The following MXRA5 variants were observed in gnomAD, a reference collection of about 807,000 sequenced individuals.
MXRA5 encodes the protein matrix remodeling associated 5.
A neutral mutation model predicts 112.5 loss-of-function variants in MXRA5; 41 were observed. The ratio of observed to expected loss-of-function variants is 0.36; its 90% CI spans 0.28 to 0.47. MXRA5 has a LOEUF of 0.47. Ranked by LOEUF, MXRA5 falls within the 20% of genes least tolerant of loss-of-function variation. MXRA5 has a pLI of 0.99. For synonymous variants in MXRA5, 862 were observed against 900.8 expected (o/e 0.96, Z 0.77); for missense variants, 2,150 against 2,251.0 (o/e 0.96, Z 0.91).
chrX:3,346,589 G>A lies in MXRA5; in HGVS notation c.-103C>T. ...ACCGAGCCGGGGCGCGCGAGTCACG[G>A]CCGGGAGTTTGCCGGGGCCATGCCC... On this transcript the variant is annotated 5_prime_UTR_variant, in exon 1 of 7. Transcript: ENST00000217939. The A allele has an allele frequency of 1.3e-6, 1 of 753,610 alleles. No homozygotes were observed. The highest frequency in any genetic ancestry group is 1.6e-6 in the Non-Finnish European group (1 of 638,286). 62.1% of individuals were successfully genotyped at this position (753,610 alleles called of 1,213,427 possible).
In MXRA5 at chrX:3,324,537, T is replaced by C. The variant is rs756542897; in HGVS notation, c.1148A>G (p.Tyr383Cys). The C allele has an allele frequency of 8.3e-7, 1 of 1,211,546 alleles. No homozygotes were observed. Among genetic ancestry groups the C allele is most frequent in the Non-Finnish European group, 1.1e-6 (1 of 895,428 alleles). The change falls in exon 5 of 7, where the codon TAC becomes TGC. Residue 383 changes from tyrosine to cysteine, a missense_variant. Coordinates refer to ENST00000217939, the MANE Select transcript of MXRA5 (RefSeq NM_015419.4). ...NYEKLWKLIA[Y>C]YSEVPVKLHR... is the part of the protein sequence containing the mutation. ...TAGCTTCACGGGAACTTCACTGTAG[T>C]ATGCTATCAATTTCCATAGCTTTTC...
chrX:3,310,713 A>T lies in MXRA5; in HGVS notation c.7490T>A (p.Val2497Asp), dbSNP rs1686872855. The T allele has an allele frequency of 1.0e-5, 12 of 1,197,299 alleles. No individual in the cohort carries two copies. The highest frequency in any genetic ancestry group is 1.2e-5 in the Non-Finnish European group (11 of 889,383). ...PAPYYGNRITVHGNGSLDIRS... is the reference protein window; with the variant it reads ...PAPYYGNRITDHGNGSLDIRS... ...GATGTCCAGGGAACCGTTGCCATGG[A>T]CAGTGATCCGGTTTCCATAGTATGG... Residue 2497 changes from valine (V) to aspartate (D), a missense_variant, in exon 7 of 7, where the codon GTC (valine) becomes GAC (aspartate). Coordinates refer to ENST00000217939, the MANE Select transcript of MXRA5 (RefSeq NM_015419.4).
rs1354961813 is a variant in MXRA5, at chrX:3,311,038, G to A, written c.7165C>T (p.Pro2389Ser). The change falls in exon 7 of 7, where the codon CCC becomes TCC. Residue 2389 changes from proline to serine, a missense_variant. Physicochemically the swap from Pro to Ser is moderately conservative, Grantham distance 74. Around this residue, in one of 6 missense-constraint regions of MXRA5, gnomAD observed 1,485 missense variants for 1,471.6 expected, o/e 1.01. Coordinates refer to ENST00000217939, the MANE Select transcript of MXRA5 (RefSeq NM_015419.4). ...ATCTGATACTTCTCAGAGGAGGTGG[G>A]GATCACCTTGTTGGTTGGGGACAAC... is the stretch of plus-strand genomic sequence containing the variant. ...TWLSPTNKVIPTSSEKYQIYQ... is the reference protein window; with the variant it reads ...TWLSPTNKVISTSSEKYQIYQ... 1 of 1,211,412 alleles carries A rather than the reference G, an allele frequency of 8.3e-7. No individual in the cohort carries two copies.
Position 3,317,945 on chromosome X carries a change from G to C in MXRA5, c.5736C>G (p.Thr1912=). The part of the protein sequence containing the change: ...IQRFEVLKNG[T]LVIRKVQVQD... ...GTACTTGAACCTTCCGTATCACTAA[G>C]GTACCGTTCTTGAGAACCTCAAACC... is the stretch of plus-strand genomic sequence containing the variant. The change falls in exon 6 of 7, where the codon ACC becomes ACG. Residue 1912 remains threonine (T), a synonymous_variant. Coordinates refer to ENST00000217939, the MANE Select transcript of MXRA5 (RefSeq NM_015419.4). 3 of 1,210,325 alleles carry C rather than the reference G, an allele frequency of 2.5e-6. No homozygotes were observed. The South Asian group carries it at 5.3e-5, about 21-fold the overall frequency.
rs1920962903 is a variant in MXRA5, at chrX:3,308,993, C to G, written c.*723G>C. The G allele has an allele frequency of 9.0e-6, 1 of 111,411 alleles. No individual in the cohort carries two copies. The allele number at this position is 111,411 out of a possible 1,213,427, so 9.2% of individuals were successfully genotyped here. A position where few individuals can be genotyped will look rare whatever the true frequency, so the allele number is the denominator to read the frequency against. ...CATGTCTGCTGTAATGTATCCAAGT[C>G]TTGTAAAGACCAATAATTTATTAAT... is the stretch of plus-strand genomic sequence containing the variant. On this transcript the variant is annotated 3_prime_UTR_variant, in exon 7 of 7. Coordinates refer to ENST00000217939, the MANE Select transcript of MXRA5 (RefSeq NM_015419.4).
At chrX:3,344,157 CGAGAGAGAGA>C (rs377198782) in intron 1 of MXRA5, among the ~76,000 whole-genome samples, 12 of 96,294 alleles carry the variant, frequency 1.2e-4, no homozygotes, top group Non-Finnish European at 1.9e-4. Flanking sequence ...CAGAGAGAGA[CGAGAGAGAGA>C]GAGAGAGAGA....
chrX:3,324,847 T>C lies in MXRA5; in HGVS notation c.838A>G (p.Ile280Val), dbSNP rs1921417550. 8.3e-7 allele frequency: 1 copy of C among 1,212,032 alleles called. No individual in the cohort carries two copies. Among genetic ancestry groups the C allele is most frequent in the South Asian group, 1.8e-5 (1 of 56,984 alleles). ...LKDMTCLKPS[I>V]ESPLRQNRSR... Reference sequence around the variant, plus strand: ...CTGTTCTGTCTCAGAGGGGACTCTATTGAAGGCTTCAGACAAGTCATGTCC... The same window carrying C: ...CTGTTCTGTCTCAGAGGGGACTCTACTGAAGGCTTCAGACAAGTCATGTCC... The change falls in exon 5 of 7, where the codon ATA (isoleucine) becomes GTA (valine). Residue 280 changes from isoleucine to valine, a missense_variant. This residue lies in a region of MXRA5 where 386 missense variants were observed against 411.0 expected (regional missense o/e 0.94). Transcript: ENST00000217939.
intron 1 of MXRA5, among the ~76,000 whole-genome samples, chrX:3,344,843 G>T (rs1305006114): frequency 9.0e-6 from 1 of 111,391 alleles, no homozygotes; most frequent in Non-Finnish European, 1.9e-5. Context: ...GCCGGACTCG[G>T]TGGCTCACGT....
rs183479403 is a variant in MXRA5, at chrX:3,319,873, T to C, written c.5677+135A>G. On this transcript the variant is annotated intron_variant, in intron 5 of 6. Transcript: ENST00000217939. Reference sequence around the variant, plus strand: ...TAAACACTTATTCGAGTAAAAAATTTCCCCAAATGTGTTATAAAAATTTCT... The same window carrying C: ...TAAACACTTATTCGAGTAAAAAATTCCCCCAAATGTGTTATAAAAATTTCT... 596 of 444,727 alleles carry C rather than the reference T, an allele frequency of 1.3e-3. 5 individuals carry two copies. Among genetic ancestry groups the C allele is most frequent in the African/African-American group, 5.9e-3 (234 of 39,959 alleles). 36.7% of individuals were successfully genotyped at this position (444,727 alleles called of 1,213,427 possible).
chrX:3,340,978 G>GATATATATTATATATCATGTATA (rs1424978095), intron 2 of MXRA5, among the ~76,000 whole-genome samples: 1 of 77,053 alleles, frequency 1.3e-5, no homozygotes, highest in African/African-American at 4.7e-5. Context: ...ATGTATAATA[G>GATATATATTATATATCATGTATA]ATATATATTA....
rs767514233 is a variant in MXRA5 at position 3,311,321 on chromosome X, G to A, written c.6882C>T (p.Ser2294=). The A allele has an allele frequency of 2.1e-5, 25 of 1,210,161 alleles. No individual in the cohort carries two copies. Among genetic ancestry groups the A allele is most frequent in the African/African-American group, 1.9e-4 (11 of 57,203 alleles). Reference sequence around the variant, plus strand: ...CGACATAGCGCTTGGTGCGTCCACCGCTGTCATCCGACTGCATGAAGGAGT... The same window carrying A: ...CGACATAGCGCTTGGTGCGTCCACCACTGTCATCCGACTGCATGAAGGAGT... The part of the protein sequence containing the change: ...LVNSFMQSDD[S]GGRTKRYVVF... Residue 2294 remains serine (S), a synonymous_variant, in exon 7 of 7, where the codon AGC becomes AGT. Coordinates refer to ENST00000217939, the MANE Select transcript of MXRA5 (RefSeq NM_015419.4).
At chrX:3,330,510 T>A in intron 3 of MXRA5, 102 bp from the exon 4 acceptor site, 1 of 1,113,361 alleles carries the variant, frequency 9.0e-7, no homozygotes, top group Admixed American at 2.9e-5. Flanking sequence ...TGGAGAGTAA[T>A]GACATGAAGC....
At position 3,322,043 on chromosome X, in the gene MXRA5, T is replaced by C; in HGVS notation, c.3642A>G (p.Lys1214=). Residue 1214 remains lysine, a synonymous_variant, in exon 5 of 7, where the codon AAA becomes AAG. Transcript: ENST00000217939. ...CTGCATTCTTCTCCATTTCCAACTG[T>C]TTGGGGGTATTAACTGTGTTATCCA... ...AWVDNTVNTP[K]QLEMEKNAEP... is the part of the protein sequence containing the mutation. 1.7e-6 allele frequency: 2 copies of C among 1,211,231 alleles called. No homozygotes were observed. Among genetic ancestry groups the C allele is most frequent in the Non-Finnish European group, 2.2e-6 (2 of 895,219 alleles).
Position 3,322,709 on chromosome X carries a change from C to T in MXRA5, c.2976G>A (p.Lys992=). The part of the protein sequence containing the change: ...LETKSQPDED[K]MKEDTFAHLT... ...GGTGTGCAAAGGTGTCTTCTTTCATCTTATCCTCATCTGGTTGTGACTTAG... is the reference window on the plus strand; with the variant it reads ...GGTGTGCAAAGGTGTCTTCTTTCATTTTATCCTCATCTGGTTGTGACTTAG... The change falls in exon 5 of 7, where the codon AAG becomes AAA. Residue 992 remains lysine (K), a synonymous_variant. Transcript: ENST00000217939. The T allele has an allele frequency of 1.7e-6, 2 of 1,211,494 alleles. No homozygotes were observed. The highest frequency in any genetic ancestry group is 2.2e-6 in the Non-Finnish European group (2 of 895,520).
rs755645698 is a variant in MXRA5, at chrX:3,310,544, C to T, written c.7659G>A (p.Thr2553=). The T allele has an allele frequency of 4.2e-6, 5 of 1,185,871 alleles. No individual in the cohort carries two copies. Among genetic ancestry groups the T allele is most frequent in the East Asian group, 3.1e-5 (1 of 32,485 alleles). ...GGCTGATGGTGTGGCCCGCCATGGC[C>T]GTGATCTTCTCGCTGATCGGGTCGT... The part of the protein sequence containing the change: ...IFHDPISEKI[T]AMAGHTISLN... Residue 2553 remains threonine, a synonymous_variant, in exon 7 of 7, where the codon ACG becomes ACA. Coordinates refer to ENST00000217939, the MANE Select transcript of MXRA5 (RefSeq NM_015419.4).
At position 3,325,367 on chromosome X, in the gene MXRA5, A is replaced by G. The variant is rs1603468028; in HGVS notation, c.710-392T>C. ...GCAAACTGGGGAAGCATTTCTTGGTAAAAGGATGAATCTTTGCACGTATCA... is the reference window on the plus strand; with the variant it reads ...GCAAACTGGGGAAGCATTTCTTGGTGAAAGGATGAATCTTTGCACGTATCA... On this transcript the variant is annotated intron_variant, in intron 4 of 6. Coordinates refer to ENST00000217939, the MANE Select transcript of MXRA5 (RefSeq NM_015419.4). 2.7e-5 allele frequency among the ~76,000 whole-genome samples: 3 copies of G among 109,632 alleles called. No individual in the cohort carries two copies. In the Middle Eastern group the frequency reaches 0.014, roughly 527 times the overall value.
Position 3,322,292 on chromosome X carries a change from T to C in MXRA5, c.3393A>G (p.Thr1131=). The change falls in exon 5 of 7, where the codon ACA becomes ACG. Residue 1131 remains threonine (T), a synonymous_variant. Transcript: ENST00000217939. ...ATGACGGAGCAACTTTTTGCCTTGG[T>C]GTTGTTGTTGCTGTTGTGGTGTCTT... The part of the protein sequence containing the change: ...LDKDTTTATT[T]PRQKVAPSST... The C allele has an allele frequency of 8.3e-7, 1 of 1,209,012 alleles. No homozygotes were observed. The highest frequency in any genetic ancestry group is 1.1e-6 in the Non-Finnish European group (1 of 894,028).
rs373344927 is a variant in MXRA5 at position 3,322,618 on chromosome X, T to C, written c.3067A>G (p.Ile1023Val). 9.1e-6 allele frequency: 11 copies of C among 1,211,842 alleles called. No homozygotes were observed. The highest frequency in any genetic ancestry group is 1.2e-5 in the Non-Finnish European group (11 of 895,463). The change falls in exon 5 of 7, where the codon ATA (isoleucine) becomes GTA (valine). Residue 1023 changes from isoleucine (I) to valine (V), a missense_variant. Around this residue, in one of 6 missense-constraint regions of MXRA5, gnomAD observed 1,485 missense variants for 1,471.6 expected, o/e 1.01. Coordinates refer to ENST00000217939, the MANE Select transcript of MXRA5 (RefSeq NM_015419.4). ...STSQLFEDST[I>V]GEPGVPGQSH... The stretch of plus-strand genomic sequence containing the variant: ...TGGCCTGGGACACCTGGTTCCCCTA[T>C]AGTAGAATCCTCAAATAACTGTGAT...
intron 2 of MXRA5, among the ~76,000 whole-genome samples, chrX:3,331,830 T>C (rs1480046925): frequency 8.9e-6 from 1 of 112,286 alleles, no homozygotes; most frequent in African/African-American, 3.2e-5. Flanking sequence ...ATGCTTAAAC[T>C]TGATCCCTGG....
Sources: allele counts gnomAD v4.1 joint callset (sites outside exome capture counted in the v4.1 genomes callset), GRCh38; gene constraint gnomAD v4.1.1; regional missense constraint gnomAD v4.1.1; transcripts MANE v1.5; gene names NCBI Gene and HGNC (gene_info 2026-07-23, HGNC 2026-07-21).